Variants in DLC1 observed in about 807,000 individuals in gnomAD.
DLC1 encodes rho GTPase-activating protein 7.
DLC1 carries 54 observed loss-of-function variants against 140.3 expected under a neutral mutation model. The ratio of observed to expected loss-of-function variants is 0.38; its 90% CI spans 0.31 to 0.48. DLC1 has a LOEUF of 0.48. Among genes scored for constraint, DLC1 ranks in the 20% least tolerant of loss-of-function variants. DLC1 has a pLI of 0.96. For missense variants in DLC1, 2,536 were observed against 1,907.0 expected (o/e 1.33, Z -6.14); for synonymous variants, 986 against 728.1 (o/e 1.35, Z -5.70).
intron 4 of DLC1, among the ~76,000 whole-genome samples, chr8:13,381,505 G>A (rs1400440253): frequency 3.3e-5 from 5 of 152,178 alleles, no homozygotes; most frequent in African/African-American, 4.8e-5. Context: ...ATCTTGGTGT[G>A]TGACTTTGAA....
At chr8:13,150,402 CTT>C (rs368982817) in intron 5 of DLC1, among the ~76,000 whole-genome samples, 2 of 151,372 alleles carry the variant, frequency 1.3e-5, no homozygotes, top group Admixed American at 6.6e-5. Context: ...CATTGTCTCT[CTT>C]TTTTTTTCTT....
chr8:13,455,874 A>G (rs1393164416), intron 2 of DLC1, among the ~76,000 whole-genome samples: 9 of 152,156 alleles, frequency 5.9e-5, no homozygotes, highest in Non-Finnish European at 8.8e-5. Flanking sequence ...GTAAGACCCT[A>G]CGTCTCAAAA....
chr8:13,122,060 A>G (rs1008238498), intron 5 of DLC1, among the ~76,000 whole-genome samples: 6 of 152,100 alleles, frequency 3.9e-5, no homozygotes, highest in Non-Finnish European at 7.4e-5. Flanking sequence ...CTCCTCACGG[A>G]ACTCTGATAA....
intron 5 of DLC1, among the ~76,000 whole-genome samples, chr8:13,166,308 T>C (rs1396963161): frequency 6.6e-6 from 1 of 152,200 alleles, no homozygotes; most frequent in African/African-American, 2.4e-5. Context: ...CATTAACTAA[T>C]CACTTCGTGT....
At chr8:13,146,213 C>T (rs376784905) in intron 5 of DLC1, among the ~76,000 whole-genome samples, 4 of 150,318 alleles carry the variant, frequency 2.7e-5, no homozygotes, top group African/African-American at 7.4e-5. Context: ...AGGTGGAGGC[C>T]GAAGTGAGAC....
At chr8:13,215,358 C>T (rs970672317) in intron 5 of DLC1, among the ~76,000 whole-genome samples, 11 of 152,062 alleles carry the variant, frequency 7.2e-5, no homozygotes, top group Non-Finnish European at 1.3e-4. Context: ...GGCCGAGGTG[C>T]GTGGATCACT....
chr8:13,604,112 A>G (rs1413539199), intron 1 of DLC1, among the ~76,000 whole-genome samples: 4 of 152,172 alleles, frequency 2.6e-5, no homozygotes, highest in African/African-American at 9.6e-5. Flanking sequence ...AAATTATTCA[A>G]TAAAATAGTA....
At chr8:13,223,511 G>A (rs1160926474) in intron 5 of DLC1, among the ~76,000 whole-genome samples, 3 of 152,228 alleles carry the variant, frequency 2.0e-5, no homozygotes, top group East Asian at 1.9e-4. Context: ...TTGCCCACCA[G>A]TGATATTCAT....
At chr8:13,243,044 C>G (rs1354986035) in intron 5 of DLC1, among the ~76,000 whole-genome samples, 2 of 151,892 alleles carry the variant, frequency 1.3e-5, no homozygotes, top group African/African-American at 4.8e-5. Flanking sequence ...GTGTGTAGCA[C>G]TTTGGGAGGC....
chr8:13,509,157 G>A (rs755155282), intron 1 of DLC1, among the ~76,000 whole-genome samples: 5 of 152,110 alleles, frequency 3.3e-5, no homozygotes, highest in African/African-American at 7.2e-5. Flanking sequence ...GGTGAGATGC[G>A]GTTTTGCTTT....
At chr8:13,484,790 A>T (rs991033450) in intron 2 of DLC1, among the ~76,000 whole-genome samples, 9 of 151,908 alleles carry the variant, frequency 5.9e-5, no homozygotes, top group Non-Finnish European at 7.4e-5. Context: ...GCCATCTGTC[A>T]TATATACAGA....
In DLC1 at chr8:13,252,450, C is replaced by T. The variant is rs749697434; in HGVS notation, c.1348+52819G>A. Among the ~76,000 whole-genome samples the T allele has an allele frequency of 4.6e-5, 7 of 152,058 alleles. 1 individual carries two copies. Among genetic ancestry groups the T allele is most frequent in the South Asian group, 4.1e-4 (2 of 4,828 alleles). ...AGAAGCTTAACATGAACCATCAGTG[C>T]GGTATAGGTGATACAAAGACAACAG... On this transcript the variant is annotated intron_variant, in intron 5 of 17. Transcript: ENST00000276297.
chr8:13,114,156 G>A (rs1215702975), intron 6 of DLC1, among the ~76,000 whole-genome samples: 1 of 152,236 alleles, frequency 6.6e-6, no homozygotes, highest in Non-Finnish European at 1.5e-5. Flanking sequence ...GAGGTCGGGA[G>A]TTCACGACCA....
At chr8:13,523,799 G>A (rs1285957024) in intron 1 of DLC1, among the ~76,000 whole-genome samples, 3 of 152,042 alleles carry the variant, frequency 2.0e-5, no homozygotes, top group Non-Finnish European at 4.4e-5. Flanking sequence ...CTGGGACCGT[G>A]AGATGCTTTT....
intron 4 of DLC1, among the ~76,000 whole-genome samples, chr8:13,356,500 G>A (rs557783226): frequency 1.3e-5 from 2 of 152,326 alleles, no homozygotes; most frequent in African/African-American, 4.8e-5. Flanking sequence ...CCCACCTGAA[G>A]CCTATGTAGA....
At chr8:13,205,361 A>G (rs1248367899) in intron 5 of DLC1, among the ~76,000 whole-genome samples, 1 of 152,212 alleles carries the variant, frequency 6.6e-6, no homozygotes, top group Non-Finnish European at 1.5e-5. Flanking sequence ...ATTTAACTTA[A>G]GTGGATTAAT....
Position 13,319,481 on chromosome 8 carries a change from G to GC in DLC1, c.1315-14180_1315-14179insG, listed in dbSNP as rs1563250263. On this transcript the variant is annotated intron_variant, in intron 4 of 17. Coordinates refer to ENST00000276297, the MANE Select transcript of DLC1 (RefSeq NM_182643.3). ...AGGGGCCTGCTGGCGGGGCGGGGGG[G>GC]GGGGGTGGATTTCCCCCTTGCTGTT... is the stretch of plus-strand genomic sequence containing the variant. Among the ~76,000 whole-genome samples, 72 of 121,768 alleles carry GC rather than the reference G, an allele frequency of 5.9e-4. 2 individuals are homozygous for GC. In the East Asian group the frequency reaches 0.017, roughly 29 times the overall value. The allele number at this position is 121,768 out of a possible 152,430, so 79.9% of individuals were successfully genotyped here.
At chr8:13,259,173 G>C (rs1209875553) in intron 5 of DLC1, among the ~76,000 whole-genome samples, 1 of 142,146 alleles carries the variant, frequency 7.0e-6, no homozygotes, top group Admixed American at 7.0e-5. Flanking sequence ...AAAATCAAAA[G>C]ATTAAAAATT....
chr8:13,588,089 A>G (rs1296642995), intron 1 of DLC1, among the ~76,000 whole-genome samples: 1 of 152,086 alleles, frequency 6.6e-6, no homozygotes, highest in Non-Finnish European at 1.5e-5. Flanking sequence ...TTCAGTTCCA[A>G]TCCCAGTTCT....
Sources: gnomAD v4.1 joint callset for allele counts (sites outside exome capture counted in the v4.1 genomes callset) on GRCh38, gnomAD v4.1.1 for gene constraint, MANE v1.5 for transcripts, NCBI Gene and HGNC (gene_info 2026-07-23, HGNC 2026-07-21) for gene names.